The following PCCA variants were observed in gnomAD, a reference collection of about 807,000 sequenced individuals.
PCCA encodes the protein propionyl-CoA carboxylase subunit alpha, also known as propionyl-CoA carboxylase alpha chain, mitochondrial.
A neutral mutation model predicts 101.3 loss-of-function variants in PCCA; 74 were observed. The ratio of observed to expected loss-of-function variants is 0.73; its 90% confidence interval spans 0.61 to 0.89. PCCA has a LOEUF of 0.89. PCCA is among the 40% of genes least tolerant of loss of function. PCCA has a pLI of 0.00. For synonymous variants in PCCA, 294 were observed against 313.6 expected (o/e 0.94, Z 0.66); for missense variants, 891 against 907.0 (o/e 0.98, Z 0.23).
intron 23 of PCCA, 67 bp from the exon 24 acceptor site, chr13:100,530,031 C>T (rs1475155628): frequency 1.6e-6 from 2 of 1,228,390 alleles, no homozygotes; most frequent in African/African-American, 3.0e-5. Flanking sequence ...GATTAGGAGC[C>T]TGCCGCCTCT....
chr13:100,529,593 C>T (rs1361591047), intron 23 of PCCA, among the ~76,000 whole-genome samples: 1 of 152,212 alleles, frequency 6.6e-6, no homozygotes, highest in East Asian at 1.9e-4. Flanking sequence ...ACTCCATTTC[C>T]CTTCAGAAAA....
chr13:100,333,141 T>C (rs761576332), intron 17 of PCCA, among the ~76,000 whole-genome samples: 44 of 152,252 alleles, frequency 2.9e-4, no homozygotes, highest in Non-Finnish European at 2.4e-4. Flanking sequence ...TCATATCAGT[T>C]CATTCTTCTT....
At chr13:100,373,784 CA>C (rs2075727224) in intron 19 of PCCA, among the ~76,000 whole-genome samples, 1 of 152,040 alleles carries the variant, frequency 6.6e-6, no homozygotes, top group Non-Finnish European at 1.5e-5. Context: ...AAAACATACA[CA>C]AAACAAATCA....
chr13:100,256,780 C>T (rs1228072382), intron 8 of PCCA, among the ~76,000 whole-genome samples: 5 of 152,158 alleles, frequency 3.3e-5, no homozygotes, highest in African/African-American at 9.6e-5. Flanking sequence ...TGGTCCCAAA[C>T]ATAGGAGTAT....
intron 21 of PCCA, among the ~76,000 whole-genome samples, chr13:100,514,790 AT>A (rs1328488402): frequency 6.6e-6 from 1 of 152,188 alleles, no homozygotes; most frequent in African/African-American, 2.4e-5. Flanking sequence ...CTTTCTCATT[AT>A]CTTGCATCTT....
At chr13:100,106,441 C>T (rs1489334326) in intron 2 of PCCA, among the ~76,000 whole-genome samples, 11 of 152,182 alleles carry the variant, frequency 7.2e-5, no homozygotes, top group South Asian at 6.2e-4. Flanking sequence ...GACAGAGTCT[C>T]GCTCTGTCAC....
chr13:100,134,125 C>T (rs1292103437), intron 4 of PCCA, among the ~76,000 whole-genome samples: 1 of 152,136 alleles, frequency 6.6e-6, no homozygotes, highest in Non-Finnish European at 1.5e-5. Flanking sequence ...CTTTAATAAA[C>T]TCCCCTTCAT....
chr13:100,194,070 C>CAAA (rs879368897), intron 6 of PCCA, among the ~76,000 whole-genome samples: 1 of 121,738 alleles, frequency 8.2e-6, no homozygotes, highest in Non-Finnish European at 1.8e-5. Context: ...GCCTCCGTCT[C>CAAA]AAAAAAAAAA....
rs759539188 is a variant in PCCA, at chr13:100,262,851, T to C, written c.819+20T>C. The C allele has an allele frequency of 2.2e-6, 2 of 901,716 alleles. No individual in the cohort carries two copies. Among genetic ancestry groups the C allele is most frequent in the African/African-American group, 3.3e-5 (2 of 61,116 alleles). The allele number at this position is 901,716 out of a possible 1,614,324, so 55.9% of individuals were successfully genotyped here. A position where few individuals can be genotyped will look rare whatever the true frequency, so the allele number is the denominator to read the frequency against. On this transcript the variant is annotated intron_variant, in intron 10 of 23. Transcript: ENST00000376285. ...ATCCAGGTTGGTACATTTAAGATGC[T>C]TTTTCATTATTATTTTAAAATAATA...
At chr13:100,352,172 AT>A (rs1166816015) in intron 18 of PCCA, among the ~76,000 whole-genome samples, 1 of 152,154 alleles carries the variant, frequency 6.6e-6, no homozygotes, top group Non-Finnish European at 1.5e-5. Flanking sequence ...CTGATGGGTA[AT>A]TAATTATATT....
intron 17 of PCCA, among the ~76,000 whole-genome samples, chr13:100,338,840 C>G (rs1330910093): frequency 6.6e-6 from 1 of 151,044 alleles, no homozygotes; most frequent in African/African-American, 2.4e-5. Flanking sequence ...TAGATTACTT[C>G]CCTGTGGAAA....
chr13:100,180,820 T>G (rs2056729385), intron 6 of PCCA, among the ~76,000 whole-genome samples: 1 of 152,266 alleles, frequency 6.6e-6, no homozygotes, highest in Non-Finnish European at 1.5e-5. Flanking sequence ...CAAATTCCAG[T>G]GAAGTTTGCT....
At chr13:100,341,987 T>TATATATATATATATATATATTTA (rs1566963825) in intron 18 of PCCA, among the ~76,000 whole-genome samples, 2 of 68,816 alleles carry the variant, frequency 2.9e-5, no homozygotes, top group African/African-American at 1.1e-4. Flanking sequence ...ATATATGTAT[T>TATATATATATATATATATATTTA]TATGTGTGTG....
chr13:100,292,662 G>T (rs1221943557), intron 12 of PCCA, among the ~76,000 whole-genome samples: 1 of 152,080 alleles, frequency 6.6e-6, no homozygotes, highest in African/African-American at 2.4e-5. Context: ...TGAAAAGATG[G>T]CAAGCCACAT....
intron 4 of PCCA, among the ~76,000 whole-genome samples, chr13:100,116,393 A>G (rs1382791694): frequency 3.9e-5 from 6 of 152,362 alleles, no homozygotes; most frequent in Non-Finnish European, 8.8e-5. Context: ...AAAAAGATGA[A>G]TGGATACTGC....
intron 21 of PCCA, among the ~76,000 whole-genome samples, chr13:100,465,439 G>C (rs2082441537): frequency 1.3e-5 from 2 of 152,162 alleles, no homozygotes; most frequent in African/African-American, 2.4e-5. Flanking sequence ...GGAGTGACAT[G>C]ATAGGATCTA....
chr13:100,218,474 G>T (rs567154785), intron 7 of PCCA, among the ~76,000 whole-genome samples: 1 of 152,074 alleles, frequency 6.6e-6, no homozygotes, highest in East Asian at 1.9e-4. Context: ...GTGCCACTGC[G>T]CCCAGCCATA....
intron 20 of PCCA, among the ~76,000 whole-genome samples, chr13:100,435,650 T>C: frequency 6.6e-6 from 1 of 152,224 alleles, no homozygotes; most frequent in Non-Finnish European, 1.5e-5. Context: ...GATTGCAAGT[T>C]ATCCAGGTTC....
At chr13:100,288,211 A>G (rs2064842486) in intron 12 of PCCA, among the ~76,000 whole-genome samples, 2 of 152,150 alleles carry the variant, frequency 1.3e-5, no homozygotes, top group African/African-American at 4.8e-5. Context: ...CTCATGCCAC[A>G]CCATTTCTCT....
Sources: gnomAD v4.1 joint callset for allele counts (sites outside exome capture counted in the v4.1 genomes callset) on GRCh38, gnomAD v4.1.1 for gene constraint, MANE v1.5 for transcripts, NCBI Gene and HGNC (gene_info 2026-07-23, HGNC 2026-07-21) for gene names.